Variants in STON2 observed in about 807,000 individuals in gnomAD.
STON2 encodes the protein stonin 2, also known as stonin-2.
STON2 carries 29 observed loss-of-function variants against 65.7 expected under a neutral mutation model. The ratio of observed to expected loss-of-function variants is 0.44; its 90% CI spans 0.33 to 0.60. STON2 has a LOEUF of 0.60. STON2 is among the 20% of genes least tolerant of loss of function. The pLI, the probability that STON2 is intolerant of heterozygous loss-of-function variation, is 0.03. For synonymous variants in STON2, 404 were observed against 414.2 expected, an observed-to-expected ratio of 0.98 and a Z score of 0.30; for missense variants, 1,054 against 1,118.1, an observed-to-expected ratio of 0.94 and a Z score of 0.82.
At chr14:81,395,672 C>A in intron 3 of STON2, 2 of 550,900 alleles carry the variant, frequency 3.6e-6, no homozygotes, top group Non-Finnish European at 6.5e-6. Context: ...GAGTAAAGGA[C>A]TAGAAATGTC....
rs138616869 is a variant in STON2, at chr14:81,354,258, C to T, written c.571+16730G>A. On this transcript the variant is annotated intron_variant, in intron 4 of 7. Transcript: ENST00000614646. ...AGATACTGGAGCCCAGCCAGCTGCC[C>T]CATCCAAATGCAAGGCAAAGGAAGC... Among the ~76,000 whole-genome samples, 1,211 of 152,286 alleles carry T rather than the reference C, an allele frequency of 8.0e-3. 15 individuals carry two copies. Among genetic ancestry groups the T allele is most frequent in the African/African-American group, 0.027 (1,135 of 41,554 alleles).
At chr14:81,419,663 C>A (rs971650453) in intron 2 of STON2, among the ~76,000 whole-genome samples, 5 of 152,176 alleles carry the variant, frequency 3.3e-5, no homozygotes, top group Non-Finnish European at 7.4e-5. Context: ...CTCTAGAGAC[C>A]ACCTGATGCA....
At chr14:81,297,532 A>G (rs1218998313) in intron 5 of STON2, among the ~76,000 whole-genome samples, 1 of 152,194 alleles carries the variant, frequency 6.6e-6, no homozygotes, top group Non-Finnish European at 1.5e-5. Flanking sequence ...GAGGATAATG[A>G]TATTTCCTAT....
chr14:81,430,095 T>C (rs73344128), intron 1 of STON2, among the ~76,000 whole-genome samples: 13,484 of 152,136 alleles, frequency 0.089, 1,034 homozygotes, highest in African/African-American at 0.2. Context: ...CTAAAGACTA[T>C]GGTTCCCACC....
At chr14:81,313,886 A>C (rs1472555444) in intron 5 of STON2, among the ~76,000 whole-genome samples, 1 of 152,050 alleles carries the variant, frequency 6.6e-6, no homozygotes, top group Non-Finnish European at 1.5e-5. Flanking sequence ...AGTATGATGA[A>C]AGAAAATAAC....
intron 5 of STON2, among the ~76,000 whole-genome samples, chr14:81,286,491 A>C (rs1446504409): frequency 1.3e-5 from 2 of 152,246 alleles, no homozygotes; most frequent in Non-Finnish European, 2.9e-5. Context: ...TTTAGTAATA[A>C]AGTGGTTTTA....
At chr14:81,364,363 A>G (rs1331037546) in intron 4 of STON2, among the ~76,000 whole-genome samples, 1 of 152,220 alleles carries the variant, frequency 6.6e-6, no homozygotes, top group African/African-American at 2.4e-5. Flanking sequence ...CAAGAGGTTC[A>G]GCAGAGCAAG....
At chr14:81,316,759 G>A (rs1896636232) in intron 5 of STON2, among the ~76,000 whole-genome samples, 2 of 152,290 alleles carry the variant, frequency 1.3e-5, no homozygotes, top group East Asian at 1.9e-4. Flanking sequence ...GGTGGCTCAC[G>A]CCTGTAATAC....
intron 5 of STON2, among the ~76,000 whole-genome samples, chr14:81,282,643 T>A (rs1423006182): frequency 6.6e-6 from 1 of 152,192 alleles, no homozygotes; most frequent in East Asian, 1.9e-4. Context: ...AGAGGTGATT[T>A]AAAAAATTCG....
At chr14:81,432,032 T>C (rs1352475225) in intron 1 of STON2, among the ~76,000 whole-genome samples, 2 of 152,190 alleles carry the variant, frequency 1.3e-5, no homozygotes, top group Non-Finnish European at 2.9e-5. Context: ...TTCAAACAAA[T>C]ATTCTAATCT....
intron 4 of STON2, among the ~76,000 whole-genome samples, chr14:81,347,038 G>C (rs1165940503): frequency 6.6e-6 from 1 of 151,804 alleles, no homozygotes; most frequent in Non-Finnish European, 1.5e-5. Context: ...AAAATTGGGT[G>C]AAGGAAAGAA....
chr14:81,399,615 G>C (rs1595444577), intron 1 of STON2, among the ~76,000 whole-genome samples: 1 of 152,204 alleles, frequency 6.6e-6, no homozygotes, highest in South Asian at 2.1e-4. Flanking sequence ...GGCATATGAT[G>C]CTTCCTAAAA....
intron 3 of STON2, among the ~76,000 whole-genome samples, chr14:81,388,939 G>A (rs531091565): frequency 7.2e-5 from 11 of 152,238 alleles, no homozygotes; most frequent in African/African-American, 2.6e-4. Context: ...TTAAAACTAG[G>A]AAGAACACTG....
Position 81,267,517 on chromosome 14 carries a change from C to T in STON2, c.*897G>A. 1 of 985,266 alleles carries T rather than the reference C, an allele frequency of 1.0e-6. No homozygotes were observed. Among genetic ancestry groups the T allele is most frequent in the Non-Finnish European group, 1.2e-6 (1 of 829,838 alleles). The allele number at this position is 985,266 out of a possible 1,614,324, so 61.0% of individuals were successfully genotyped here. A position where few individuals can be genotyped will look rare whatever the true frequency, so the allele number is the denominator to read the frequency against. On this transcript the variant is annotated 3_prime_UTR_variant, in exon 8 of 8. Transcript: ENST00000614646. ...AACTCCCAAATGCCCCTTACAAATG[C>T]CTCAGGTATTATGTATATTTGTTTC...
At chr14:81,410,900 A>C (rs901538994) in intron 2 of STON2, among the ~76,000 whole-genome samples, 2 of 152,222 alleles carry the variant, frequency 1.3e-5, no homozygotes, top group Admixed American at 6.5e-5. Flanking sequence ...TTCAACTAAA[A>C]TCAACCGTTA....
At position 81,351,178 on chromosome 14, in the gene STON2, C is replaced by CTT. The variant is rs370421507; in HGVS notation, c.571+19808_571+19809dup. On this transcript the variant is annotated intron_variant, in intron 4 of 7. Coordinates refer to ENST00000614646, the MANE Select transcript of STON2 (RefSeq NM_001394390.1). ...CTAAGGTATTTTGAGGTAAGCTCTT[C>CTT]TTTTTTTTTTTTTTTTTCTGGTGGG... Among the ~76,000 whole-genome samples the CTT allele has an allele frequency of 1.3e-3, 162 of 127,918 alleles. 2 individuals carry two copies. The highest frequency in any genetic ancestry group is 6.3e-3 in the Admixed American group (79 of 12,614). The allele number at this position is 127,918 out of a possible 152,430, so 83.9% of individuals were successfully genotyped here.
At chr14:81,364,079 A>T (rs995873816) in intron 4 of STON2, among the ~76,000 whole-genome samples, 6 of 152,212 alleles carry the variant, frequency 3.9e-5, no homozygotes, top group African/African-American at 1.4e-4. Flanking sequence ...TCACTTTGGG[A>T]AATCACTTTG....
At chr14:81,435,581 C>A (rs1209913647) in intron 1 of STON2, among the ~76,000 whole-genome samples, 2 of 151,980 alleles carry the variant, frequency 1.3e-5, no homozygotes, top group African/African-American at 2.4e-5. Flanking sequence ...CAGGCAGAGA[C>A]CAGGAGCTGC....
At chr14:81,415,722 T>C (rs1275144959) in intron 2 of STON2, among the ~76,000 whole-genome samples, 1 of 147,416 alleles carries the variant, frequency 6.8e-6, no homozygotes, top group Admixed American at 6.8e-5. Flanking sequence ...GCCTTGCACA[T>C]AGCAAAATTA....
Sources: allele counts gnomAD v4.1 joint callset (sites outside exome capture counted in the v4.1 genomes callset), GRCh38; gene constraint gnomAD v4.1.1; transcripts MANE v1.5; gene names NCBI Gene and HGNC (gene_info 2026-07-23, HGNC 2026-07-21).